The following DNA2 variants were observed in gnomAD, a reference collection of about 807,000 sequenced individuals.
DNA2 encodes the protein DNA replication helicase/nuclease 2, also known as DNA replication ATP-dependent helicase/nuclease DNA2.
In DNA2, 101 loss-of-function variants were observed where a neutral mutation model predicts 119.1. That is an observed-to-expected ratio of 0.85 (90% confidence interval 0.72 to 1.00). The LOEUF (loss-of-function observed/expected upper bound fraction) is 1.00, where lower values mean the gene tolerates loss of function less well. DNA2 is among the 50% of genes least tolerant of loss of function. The probability of loss-of-function intolerance (pLI) is 0.00; values close to 1 mark genes in which losing one functional copy is unlikely to be tolerated. For missense variants in DNA2, 1,121 were observed against 1,255.5 expected, an observed-to-expected ratio of 0.89 and a Z score of 1.62; for synonymous variants, 366 against 424.4, an observed-to-expected ratio of 0.86 and a Z score of 1.69.
Position 68,450,129 on chromosome 10 carries a change from C to T in DNA2, c.838G>A (p.Val280Ile). ...TACCCTCGATGTATTTTCACACCAA[C>T]TGTAACATCTATTTTGCCTTTCAAT... ...FGLKGKIDVT[V>I]GVKIHRGYKT... The change falls in exon 6 of 21, where the codon GTT becomes ATT. Residue 280 changes from valine to isoleucine, a missense_variant. Val to Ile is a conservative substitution (Grantham distance 29). Coordinates refer to ENST00000358410, the MANE Select transcript of DNA2 (RefSeq NM_001080449.3). 6.2e-7 allele frequency: 1 copy of T among 1,607,198 alleles called. No individual in the cohort carries two copies. Among genetic ancestry groups the T allele is most frequent in the Non-Finnish European group, 8.5e-7 (1 of 1,176,360 alleles).
rs1463094673 is a variant in DNA2 at position 68,416,824 on chromosome 10, A to G, written c.2999T>C (p.Leu1000Pro). ...TTTGGCTCTGGTTATAGCAACATTA[A>G]GACGTCGCCAATCTTTCAAGAGTTC... ...VGELLKDWRR[L>P]NVAITRAKHK... is the part of the protein sequence containing the mutation. The change falls in exon 20 of 21, where the codon CTT becomes CCT. Residue 1000 changes from leucine to proline, a missense_variant. Transcript: ENST00000358410. The G allele has an allele frequency of 6.2e-7, 1 of 1,610,952 alleles. No individual in the cohort carries two copies. Among genetic ancestry groups the G allele is most frequent in the Non-Finnish European group, 8.5e-7 (1 of 1,178,876 alleles).
chr10:68,425,721 C>A (rs1402186901), intron 14 of DNA2, among the ~76,000 whole-genome samples: 1 of 151,254 alleles, frequency 6.6e-6, no homozygotes, highest in Non-Finnish European at 1.5e-5. Flanking sequence ...CATTTCATTT[C>A]CTGTTTTGTT....
chr10:68,452,718 T>G (rs1383524495), intron 5 of DNA2, among the ~76,000 whole-genome samples: 1 of 148,554 alleles, frequency 6.7e-6, no homozygotes, highest in Non-Finnish European at 1.5e-5. Context: ...ACTACAGGCA[T>G]CTGCCATTAC....
rs576123118 is a variant in DNA2 at position 68,471,332 on chromosome 10, C to A, written c.74+459G>T. Among the ~76,000 whole-genome samples the A allele has an allele frequency of 7.2e-4, 110 of 152,270 alleles. 2 individuals carry two copies. Among genetic ancestry groups the A allele is most frequent in the Non-Finnish European group, 1.3e-3 (87 of 68,024 alleles). On this transcript the variant is annotated intron_variant, in intron 1 of 20. Coordinates refer to ENST00000358410, the MANE Select transcript of DNA2 (RefSeq NM_001080449.3). ...CAAAAGCCCAAACGCAAAAGTCCCT[C>A]AACGCTAATTAGCATTATTGCTATA...
intron 19 of DNA2, among the ~76,000 whole-genome samples, chr10:68,418,130 T>C (rs902279021): frequency 6.6e-6 from 1 of 152,158 alleles, no homozygotes; most frequent in African/African-American, 2.4e-5. Context: ...AATGGTAAGA[T>C]GGGCTGGGCA....
chr10:68,427,962 G>A (rs1236273383), intron 14 of DNA2, among the ~76,000 whole-genome samples: 1 of 151,446 alleles, frequency 6.6e-6, no homozygotes, highest in South Asian at 2.1e-4. Context: ...GAACCTGGGA[G>A]GCAAAGGTTG....
At chr10:68,435,750 C>T (rs1346820262) in intron 10 of DNA2, among the ~76,000 whole-genome samples, 1 of 152,032 alleles carries the variant, frequency 6.6e-6, no homozygotes, top group Non-Finnish European at 1.5e-5. Flanking sequence ...CACCACGCCC[C>T]GCCTATATAT....
chr10:68,423,939 T>A (rs2051701092), intron 14 of DNA2, among the ~76,000 whole-genome samples: 1 of 152,186 alleles, frequency 6.6e-6, no homozygotes. Flanking sequence ...AAGTTTTCAG[T>A]AACAACAAAA....
rs1294298199 is a variant in DNA2 at position 68,419,547 on chromosome 10, A to G, written c.2787+256T>C. 3 of 525,382 alleles carry G rather than the reference A, an allele frequency of 5.7e-6. No homozygotes were observed. The African/African-American group carries it at 5.7e-5, about 10-fold the overall frequency. The allele number at this position is 525,382 out of a possible 1,614,324, so 32.5% of individuals were successfully genotyped here. On this transcript the variant is annotated intron_variant, in intron 18 of 20. Coordinates refer to ENST00000358410, the MANE Select transcript of DNA2 (RefSeq NM_001080449.3). ...TTTCACAGAAAAATTTCCAATTCCT[A>G]ATCACTACAACATAGTATTGTCTCA...
At chr10:68,425,861 G>A (rs1487099908) in intron 14 of DNA2, among the ~76,000 whole-genome samples, 1 of 151,456 alleles carries the variant, frequency 6.6e-6, no homozygotes, top group African/African-American at 2.4e-5. Context: ...CAGGCCAGGC[G>A]CTGTGTCTCA....
chr10:68,424,516 A>C (rs542279905), intron 14 of DNA2: 63,096 of 660,064 alleles, frequency 0.096, 4,996 homozygotes, highest in Admixed American at 0.22. Context: ...AAAAAAAAAA[A>C]AAAACAAAAC....
chr10:68,450,404 T>C (rs2052103437), intron 5 of DNA2, among the ~76,000 whole-genome samples, 157 bp from the exon 6 acceptor site: 1 of 152,162 alleles, frequency 6.6e-6, no homozygotes, highest in African/African-American at 2.4e-5. Flanking sequence ...CCTGGACCAG[T>C]AGCATCAGCA....
chr10:68,414,521 G>A lies in DNA2; in HGVS notation c.*518C>T, dbSNP rs955797499. ...AAAACAAAAAAGGAGGATAGTAAGGGAGGATAGAAAATTAACAGGAAGTAA... is the reference window on the plus strand; with the variant it reads ...AAAACAAAAAAGGAGGATAGTAAGGAAGGATAGAAAATTAACAGGAAGTAA... On this transcript the variant is annotated 3_prime_UTR_variant, in exon 21 of 21. Transcript: ENST00000358410. 6.6e-6 allele frequency: 1 copy of A among 152,146 alleles called. No homozygotes were observed. The highest frequency in any genetic ancestry group is 2.4e-5 in the African/African-American group (1 of 41,444). 9.4% of individuals were successfully genotyped at this position (152,146 alleles called of 1,614,324 possible).
chr10:68,437,702 G>A (rs975793632), intron 9 of DNA2, among the ~76,000 whole-genome samples: 6 of 151,130 alleles, frequency 4.0e-5, no homozygotes, highest in African/African-American at 1.2e-4. Context: ...TATTGAGCCT[G>A]TCATTTTTAC....
At chr10:68,423,092 G>A (rs2051688137) in intron 14 of DNA2, among the ~76,000 whole-genome samples, 1 of 152,164 alleles carries the variant, frequency 6.6e-6, no homozygotes, top group African/African-American at 2.4e-5. Context: ...AAACTTTCCA[G>A]ACACTATTGA....
chr10:68,416,967 G>T, intron 19 of DNA2, 112 bp from the exon 20 acceptor site: 1 of 905,006 alleles, frequency 1.1e-6, no homozygotes, highest in Non-Finnish European at 1.6e-6. Flanking sequence ...AATGAGGCCA[G>T]GTGTAGTGGC....
intron 13 of DNA2, among the ~76,000 whole-genome samples, chr10:68,431,192 G>A (rs2051815180): frequency 7.5e-6 from 1 of 134,098 alleles, no homozygotes; most frequent in African/African-American, 3.0e-5. Flanking sequence ...CCTGGCTCAC[G>A]TTAACAAGAC....
At position 68,468,158 on chromosome 10, in the gene DNA2, A is replaced by C. The variant is rs1194819689; in HGVS notation, c.406T>G (p.Cys136Gly). The change falls in exon 3 of 21, where the codon TGT (cysteine) becomes GGT (glycine). Residue 136 changes from cysteine (C) to glycine (G), a missense_variant. By Grantham distance (159) the Cys-to-Gly change is radical. Coordinates refer to ENST00000358410, the MANE Select transcript of DNA2 (RefSeq NM_001080449.3). ...TCACTCAGGACAGCTCTTCTCATAC[A>C]TCGAATACTACTGGCTATGCTGGTG... ...SGTSIASSIR[C>G]MRRAVLSETF... The C allele has an allele frequency of 6.2e-7, 1 of 1,606,870 alleles. No homozygotes were observed. The highest frequency in any genetic ancestry group is 1.3e-5 in the African/African-American group (1 of 74,778).
chr10:68,471,113 T>C (rs1457866888), intron 1 of DNA2, among the ~76,000 whole-genome samples: 3 of 152,118 alleles, frequency 2.0e-5, no homozygotes, highest in African/African-American at 7.2e-5. Flanking sequence ...CAAAGGAGGG[T>C]CCAAAGTCAT....
Sources: allele counts gnomAD v4.1 joint callset (sites outside exome capture counted in the v4.1 genomes callset), GRCh38; gene constraint gnomAD v4.1.1; transcripts MANE v1.5; gene names NCBI Gene and HGNC (gene_info 2026-07-23, HGNC 2026-07-21).